Variants in SCFD2 observed in about 807,000 individuals in gnomAD.
The protein encoded by SCFD2 is sec1 family domain containing 2, also known as sec1 family domain-containing protein 2.
SCFD2 carries 54 observed loss-of-function variants against 58.9 expected under a neutral mutation model. That is an observed-to-expected ratio of 0.92 (90% confidence interval 0.74 to 1.15). SCFD2 has a LOEUF of 1.15. SCFD2 is among the 50% of genes most tolerant of loss of function. The pLI is 0.00. For synonymous variants in SCFD2, 321 were observed against 335.9 expected, an observed-to-expected ratio of 0.96 and a Z score of 0.49; for missense variants, 805 against 836.6, an observed-to-expected ratio of 0.96 and a Z score of 0.47.
intron 3 of SCFD2, among the ~76,000 whole-genome samples, chr4:53,304,031 A>T (rs1242793774): frequency 6.6e-6 from 1 of 151,790 alleles, no homozygotes; most frequent in Non-Finnish European, 1.5e-5. Flanking sequence ...GCAGCACACC[A>T]ACTTGGCACA....
intron 4 of SCFD2, among the ~76,000 whole-genome samples, chr4:53,200,995 T>C (rs1337260882): frequency 1.4e-5 from 2 of 142,956 alleles, no homozygotes; most frequent in African/African-American, 2.5e-5. Flanking sequence ...AAATATTAAT[T>C]TTATTTTAAT....
chr4:52,936,112 C>T (rs562587582), intron 5 of SCFD2, among the ~76,000 whole-genome samples: 3 of 152,306 alleles, frequency 2.0e-5, no homozygotes, highest in South Asian at 4.1e-4. Flanking sequence ...GCTGGGATTA[C>T]AGGTGTGAGC....
Position 53,201,770 on chromosome 4 carries a change from G to A in SCFD2, c.1312-56188C>T, listed in dbSNP as rs531465016. Among the ~76,000 whole-genome samples, 8 of 152,278 alleles carry A rather than the reference G, an allele frequency of 5.3e-5. No homozygotes were observed. In the South Asian group the frequency reaches 1.4e-3, roughly 28 times the overall value. ...TGGTTTTGATTTGCATTTCTCTGATGGCCAGTGATGATGAGCATTTTTTCA... is the reference window on the plus strand; with the variant it reads ...TGGTTTTGATTTGCATTTCTCTGATAGCCAGTGATGATGAGCATTTTTTCA... On this transcript the variant is annotated intron_variant, in intron 4 of 8. Transcript: ENST00000401642.
chr4:52,962,641 A>G (rs1276020884), intron 5 of SCFD2, among the ~76,000 whole-genome samples: 1 of 151,742 alleles, frequency 6.6e-6, no homozygotes, highest in Non-Finnish European at 1.5e-5. Flanking sequence ...TAAAATGAGC[A>G]TTGTGTTAAT....
At chr4:53,141,989 A>G (rs1322349463) in intron 5 of SCFD2, among the ~76,000 whole-genome samples, 1 of 152,188 alleles carries the variant, frequency 6.6e-6, no homozygotes, top group East Asian at 1.9e-4. Context: ...TCCTCTGGAA[A>G]CACCTTCACA....
intron 2 of SCFD2, among the ~76,000 whole-genome samples, chr4:53,314,394 A>G (rs190573517): frequency 1.3e-5 from 2 of 152,338 alleles, no homozygotes; most frequent in East Asian, 3.9e-4. Flanking sequence ...GCACTGCATT[A>G]TATGCAAGGT....
chr4:53,234,466 T>C (rs951656626), intron 4 of SCFD2, among the ~76,000 whole-genome samples: 1 of 152,164 alleles, frequency 6.6e-6, no homozygotes, highest in Non-Finnish European at 1.5e-5. Context: ...TTTTAAAAAA[T>C]GGGGACTGGA....
intron 3 of SCFD2, among the ~76,000 whole-genome samples, chr4:53,310,498 TAAAC>T (rs1442554144): frequency 6.6e-6 from 1 of 152,218 alleles, no homozygotes. Context: ...ATTTTAGACT[TAAAC>T]AAATGGATTT....
At chr4:52,967,129 A>C (rs551020445) in intron 5 of SCFD2, among the ~76,000 whole-genome samples, 1 of 152,310 alleles carries the variant, frequency 6.6e-6, no homozygotes, top group South Asian at 2.1e-4. Flanking sequence ...GGCTTACTTC[A>C]GTTAGCATAA....
intron 4 of SCFD2, among the ~76,000 whole-genome samples, chr4:53,243,971 C>A (rs1050682219): frequency 1.1e-4 from 16 of 151,760 alleles, no homozygotes; most frequent in African/African-American, 3.1e-4. Flanking sequence ...CAACAAAGAT[C>A]AAAAAAGACA....
chr4:53,083,107 C>A (rs545942733), intron 5 of SCFD2, among the ~76,000 whole-genome samples: 37 of 152,130 alleles, frequency 2.4e-4, no homozygotes, highest in African/African-American at 8.4e-4. Flanking sequence ...GTGGGAACAG[C>A]CTTGAAAATC....
At chr4:53,177,657 C>T (rs964596699) in intron 4 of SCFD2, among the ~76,000 whole-genome samples, 2 of 152,230 alleles carry the variant, frequency 1.3e-5, no homozygotes, top group Admixed American at 1.3e-4. Context: ...GAGTGCCAGA[C>T]AGTAGGTGCA....
At chr4:52,878,786 A>T (rs1718538845) in intron 8 of SCFD2, among the ~76,000 whole-genome samples, 1 of 152,240 alleles carries the variant, frequency 6.6e-6, no homozygotes, top group Non-Finnish European at 1.5e-5. Flanking sequence ...AACCAAGGGC[A>T]CTGAAGAAAA....
chr4:52,953,606 G>C (rs1156288322), intron 5 of SCFD2, among the ~76,000 whole-genome samples: 1 of 152,186 alleles, frequency 6.6e-6, no homozygotes, highest in Non-Finnish European at 1.5e-5. Flanking sequence ...AGGAGACAGG[G>C]ATTGTGAGGA....
intron 5 of SCFD2, among the ~76,000 whole-genome samples, chr4:52,954,613 G>A (rs1023100984): frequency 1.3e-5 from 2 of 152,160 alleles, no homozygotes; most frequent in African/African-American, 4.8e-5. Flanking sequence ...GCTCAGAAAA[G>A]CAGCAAGAGA....
At chr4:52,907,316 G>A in intron 7 of SCFD2, 141 bp downstream of exon 7, 1 of 778,784 alleles carries the variant, frequency 1.3e-6, no homozygotes, top group Non-Finnish European at 2.1e-6. Flanking sequence ...AAAAGATAAA[G>A]ATTGCCCTTG....
At chr4:53,179,182 C>G (rs1236233467) in intron 4 of SCFD2, among the ~76,000 whole-genome samples, 1 of 152,064 alleles carries the variant, frequency 6.6e-6, no homozygotes, top group African/African-American at 2.4e-5. Flanking sequence ...AGGAGCAACT[C>G]CAAGACACAT....
At chr4:52,997,933 A>G (rs535929017) in intron 5 of SCFD2, among the ~76,000 whole-genome samples, 5 of 152,342 alleles carry the variant, frequency 3.3e-5, no homozygotes, top group African/African-American at 7.2e-5. Flanking sequence ...ACTACTAATC[A>G]AGAGTAGTAA....
At chr4:53,307,958 A>G (rs1732567717) in intron 3 of SCFD2, among the ~76,000 whole-genome samples, 1 of 152,188 alleles carries the variant, frequency 6.6e-6, no homozygotes, top group Admixed American at 6.5e-5. Flanking sequence ...GTTTCCCTCT[A>G]GTTCCCCTTA....
Sources: gnomAD v4.1 joint callset for allele counts (sites outside exome capture counted in the v4.1 genomes callset) on GRCh38, gnomAD v4.1.1 for gene constraint, MANE v1.5 for transcripts, NCBI Gene and HGNC (gene_info 2026-07-23, HGNC 2026-07-21) for gene names.